CEP97: variants seen among roughly 807,000 people sequenced by gnomAD.
The protein encoded by CEP97 is centrosomal protein of 97 kDa.
Under a neutral mutation model 73.1 loss-of-function variants are expected in CEP97, and 43 were observed. That is an observed-to-expected ratio of 0.59 (90% confidence interval 0.46 to 0.76). CEP97 has a LOEUF of 0.76. Ranked by LOEUF, CEP97 falls within the 30% of genes least tolerant of loss-of-function variation. The pLI, the probability that CEP97 is intolerant of heterozygous loss-of-function variation, is 0.00. For missense variants in CEP97, 939 were observed against 1,014.0 expected, an observed-to-expected ratio of 0.93 and a Z score of 1.00; for synonymous variants, 337 against 370.0, an observed-to-expected ratio of 0.91 and a Z score of 1.02.
At chr3:101,750,121 G>A (rs1429886565) in intron 6 of CEP97, among the ~76,000 whole-genome samples, 2 of 141,268 alleles carry the variant, frequency 1.4e-5, no homozygotes, top group Admixed American at 7.1e-5. Flanking sequence ...GGTTTTTATG[G>A]TTTTAGGTCT....
intron 6 of CEP97, among the ~76,000 whole-genome samples, chr3:101,745,159 A>G (rs1308601936): frequency 1.3e-5 from 2 of 152,256 alleles, no homozygotes; most frequent in Non-Finnish European, 2.9e-5. Context: ...GCACAAAGCT[A>G]TAACTCTATT....
rs144574543 is a variant in CEP97 at position 101,744,413 on chromosome 3, G to A, written c.729-11017G>A. Among the ~76,000 whole-genome samples, 498 of 151,954 alleles carry A rather than the reference G, an allele frequency of 3.3e-3. 5 individuals carry two copies. Among genetic ancestry groups the A allele is most frequent in the East Asian group, 0.027 (140 of 5,148 alleles). Reference sequence around the variant, plus strand: ...AGCCTGACCAACTTGGTGAAACCCCGTCTCTACTAAAAATACAAAATTAGC... The same window carrying A: ...AGCCTGACCAACTTGGTGAAACCCCATCTCTACTAAAAATACAAAATTAGC... On this transcript the variant is annotated intron_variant, in intron 6 of 10. Transcript: ENST00000341893.
chr3:101,765,629 A>AGTATTTCCCTCC lies in CEP97; in HGVS notation c.*78_*79insGTATTTCCCTCC. On this transcript the variant is annotated 3_prime_UTR_variant, in exon 11 of 11. Transcript: ENST00000341893. ...GTTGCCTTTGCTTTTTTTTGGAGGG[A>AGTATTTCCCTCC]AATACTCCCTACCCCTAATTTTGTT... The AGTATTTCCCTCC allele has an allele frequency of 2.6e-6, 3 of 1,135,886 alleles. No individual in the cohort carries two copies. Among genetic ancestry groups the AGTATTTCCCTCC allele is most frequent in the Non-Finnish European group, 3.8e-6 (3 of 790,036 alleles). 70.4% of individuals were successfully genotyped at this position (1,135,886 alleles called of 1,614,324 possible).
intron 3 of CEP97, among the ~76,000 whole-genome samples, chr3:101,728,035 A>G (rs1037538289): frequency 8.5e-5 from 13 of 152,188 alleles, no homozygotes; most frequent in African/African-American, 2.7e-4. Context: ...CTAAACATTT[A>G]TCTGTATTAA....
chr3:101,751,982 T>C (rs534810759), intron 6 of CEP97, among the ~76,000 whole-genome samples: 9 of 152,342 alleles, frequency 5.9e-5, no homozygotes, highest in Non-Finnish European at 1.2e-4. Context: ...TTTTGCTTCC[T>C]AGCCTTGATG....
chr3:101,755,479 C>T lies in CEP97; in HGVS notation c.778C>T (p.Pro260Ser). 6.2e-7 allele frequency: 1 copy of T among 1,614,084 alleles called. No individual in the cohort carries two copies. Among genetic ancestry groups the T allele is most frequent in the Non-Finnish European group, 8.5e-7 (1 of 1,179,986 alleles). ...TCAAGGCAAGGGGAGAGCATATCGG[C>T]CTGGCCAGCACATCCAGCTTGTCCA... ...YSQGKGRAYR[P>S]GQHIQLVQYL... The change falls in exon 7 of 11, where the codon CCT (proline) becomes TCT (serine). Residue 260 changes from proline to serine, a missense_variant. Physicochemically the swap from Pro to Ser is moderately conservative, Grantham distance 74. Transcript: ENST00000341893.
At chr3:101,739,612 AATTC>A (rs1938382810) in intron 6 of CEP97, among the ~76,000 whole-genome samples, 1 of 152,144 alleles carries the variant, frequency 6.6e-6, no homozygotes, top group Admixed American at 6.6e-5. Context: ...CCTTCAATAA[AATTC>A]AACACCCCTG....
chr3:101,727,380 C>A lies in CEP97; in HGVS notation c.187-3C>A. On this transcript the variant is annotated splice_polypyrimidine_tract_variant and splice_region_variant and intron_variant, in intron 2 of 10. Coordinates refer to ENST00000341893, the MANE Select transcript of CEP97 (RefSeq NM_024548.4). ...AAAATAACAATATGTTTCCTTTTTA[C>A]AGTTATCAGTAGCTAATAATCGGCT... is the stretch of plus-strand genomic sequence containing the variant. 6.2e-7 allele frequency: 1 copy of A among 1,603,598 alleles called. No homozygotes were observed. The highest frequency in any genetic ancestry group is 1.1e-5 in the South Asian group (1 of 88,970).
At chr3:101,755,681 A>G in intron 7 of CEP97, 87 bp downstream of exon 7, 1 of 1,330,192 alleles carries the variant, frequency 7.5e-7, no homozygotes. Context: ...GCCTGAGGCA[A>G]GTGCTGCGGC....
intron 4 of CEP97, among the ~76,000 whole-genome samples, chr3:101,730,563 C>T (rs1292543376): frequency 7.0e-6 from 1 of 143,588 alleles, no homozygotes; most frequent in Non-Finnish European, 1.5e-5. Context: ...TGCGCTGGGT[C>T]CCAAGTCTGG....
At chr3:101,732,308 T>C (rs1270657674) in intron 5 of CEP97, among the ~76,000 whole-genome samples, 180 bp from the exon 6 acceptor site, 1 of 152,214 alleles carries the variant, frequency 6.6e-6, no homozygotes, top group Non-Finnish European at 1.5e-5. Context: ...GGGGATTTTG[T>C]GCAGCAGGGA....
chr3:101,755,341 G>T lies in CEP97; in HGVS notation c.729-89G>T. 4 of 1,125,266 alleles carry T rather than the reference G, an allele frequency of 3.6e-6. No homozygotes were observed. The South Asian group carries it at 5.5e-5, about 16-fold the overall frequency. 69.7% of individuals were successfully genotyped at this position (1,125,266 alleles called of 1,614,324 possible). On this transcript the variant is annotated intron_variant, in intron 6 of 10. Coordinates refer to ENST00000341893, the MANE Select transcript of CEP97 (RefSeq NM_024548.4). ...AAAAACATACAATGGTGCTATAAAG[G>T]TAAGTTAACAAGGAAGATCATTGTT...
At chr3:101,734,119 C>T (rs544026253) in intron 6 of CEP97, among the ~76,000 whole-genome samples, 8 of 152,356 alleles carry the variant, frequency 5.3e-5, no homozygotes, top group African/African-American at 1.9e-4. Flanking sequence ...AGCCACTGCA[C>T]CTGGCCAGGT....
chr3:101,747,257 CCTT>C (rs1298151861), intron 6 of CEP97, among the ~76,000 whole-genome samples: 3 of 143,964 alleles, frequency 2.1e-5, no homozygotes, highest in African/African-American at 7.7e-5. Flanking sequence ...ATTCAGAACT[CCTT>C]TTTTTTTTTT....
intron 6 of CEP97, among the ~76,000 whole-genome samples, chr3:101,752,758 C>G (rs901849968): frequency 3.9e-5 from 6 of 152,170 alleles, no homozygotes; most frequent in Non-Finnish European, 8.8e-5. Flanking sequence ...CTCCTTTAAG[C>G]ACTTCTCTGT....
At chr3:101,729,041 T>C (rs1032496186) in intron 4 of CEP97, 104 bp downstream of exon 4, 1 of 680,336 alleles carries the variant, frequency 1.5e-6, no homozygotes, top group Non-Finnish European at 2.6e-6. Flanking sequence ...GCAGATTGCT[T>C]TCTTTATGAT....
In CEP97 at chr3:101,724,620, C is replaced by G; in HGVS notation, c.-57C>G. On this transcript the variant is annotated 5_prime_UTR_variant, in exon 1 of 11. Coordinates refer to ENST00000341893, the MANE Select transcript of CEP97 (RefSeq NM_024548.4). ...GTTTCCGGCTCCCTCCTTCAGATTACAAGCTCCACAGAGCCGCGGGAGGAC... is the reference window on the plus strand; with the variant it reads ...GTTTCCGGCTCCCTCCTTCAGATTAGAAGCTCCACAGAGCCGCGGGAGGAC... The G allele has an allele frequency of 1.9e-6, 3 of 1,604,504 alleles. No individual in the cohort carries two copies. Among genetic ancestry groups the G allele is most frequent in the Non-Finnish European group, 2.6e-6 (3 of 1,171,492 alleles).
chr3:101,729,279 G>T (rs1218692577), intron 4 of CEP97, among the ~76,000 whole-genome samples: 1 of 151,738 alleles, frequency 6.6e-6, no homozygotes, highest in Non-Finnish European at 1.5e-5. Flanking sequence ...TGGAGGTTGT[G>T]GTGACCCGAG....
chr3:101,752,093 G>A (rs541464619), intron 6 of CEP97, among the ~76,000 whole-genome samples: 6 of 152,254 alleles, frequency 3.9e-5, no homozygotes, highest in African/African-American at 1.2e-4. Flanking sequence ...GCCTGGTGGT[G>A]ACAAAATCTC....
Sources: gnomAD v4.1 joint callset for allele counts (sites outside exome capture counted in the v4.1 genomes callset) on GRCh38, gnomAD v4.1.1 for gene constraint, MANE v1.5 for transcripts, NCBI Gene and HGNC (gene_info 2026-07-23, HGNC 2026-07-21) for gene names.